Variants in COL22A1 observed in about 807,000 individuals in gnomAD.
The protein encoded by COL22A1 is collagen type XXII alpha 1 chain.
A neutral mutation model predicts 248.9 loss-of-function variants in COL22A1; 221 were observed. That is an observed-to-expected ratio of 0.89 (90% CI 0.80 to 0.99). The LOEUF is 0.99. COL22A1 is among the 50% of genes least tolerant of loss of function. The pLI, the probability that COL22A1 is intolerant of heterozygous loss-of-function variation, is 0.00. For synonymous variants in COL22A1, 891 were observed against 793.4 expected (o/e 1.12, Z -2.07); for missense variants, 2,240 against 2,179.0 (o/e 1.03, Z -0.56).
At chr8:138,836,080 G>A (rs1440114293) in intron 4 of COL22A1, among the ~76,000 whole-genome samples, 1 of 152,138 alleles carries the variant, frequency 6.6e-6, no homozygotes. Context: ...AGACCAGCCT[G>A]GCCAACATGG....
intron 7 of COL22A1, 131 bp downstream of exon 7, chr8:138,821,005 T>C: frequency 9.9e-7 from 1 of 1,014,796 alleles, no homozygotes; most frequent in Non-Finnish European, 1.4e-6. Context: ...GGTCTTTCCT[T>C]CTAAGACGGT....
chr8:138,714,566 C>T (rs1235723869), intron 30 of COL22A1, among the ~76,000 whole-genome samples: 1 of 152,202 alleles, frequency 6.6e-6, no homozygotes, highest in Non-Finnish European at 1.5e-5. Context: ...TCCTTTCCCA[C>T]TCTTGCTCTT....
At chr8:138,699,203 C>T (rs564716564) in intron 32 of COL22A1, among the ~76,000 whole-genome samples, 3 of 152,210 alleles carry the variant, frequency 2.0e-5, no homozygotes, top group Non-Finnish European at 4.4e-5. Context: ...TAGGATGCCC[C>T]CATCTCCCCA....
chr8:138,738,977 A>G (rs895074465), intron 22 of COL22A1, among the ~76,000 whole-genome samples: 1 of 152,140 alleles, frequency 6.6e-6, no homozygotes, highest in Non-Finnish European at 1.5e-5. Context: ...AGCATAACCC[A>G]TAACATTGCC....
chr8:138,725,981 T>C (rs1052015363), intron 23 of COL22A1, among the ~76,000 whole-genome samples: 3 of 152,224 alleles, frequency 2.0e-5, no homozygotes, highest in Admixed American at 2.0e-4. Flanking sequence ...GGTTCCCCCG[T>C]GATTCTATGG....
At chr8:138,654,626 A>G (rs1823058393) in intron 45 of COL22A1, among the ~76,000 whole-genome samples, 1 of 152,184 alleles carries the variant, frequency 6.6e-6, no homozygotes, top group African/African-American at 2.4e-5. Flanking sequence ...AGACAGCAGA[A>G]GGGGCCTCCT....
intron 3 of COL22A1, among the ~76,000 whole-genome samples, chr8:138,856,384 CAGAG>C (rs148733403): frequency 1.3e-5 from 2 of 150,214 alleles, no homozygotes; most frequent in African/African-American, 4.9e-5. Flanking sequence ...CTTGGAGGAA[CAGAG>C]AGAGAGAGAG....
At chr8:138,652,152 A>G (rs1822797509) in intron 45 of COL22A1, among the ~76,000 whole-genome samples, 1 of 152,206 alleles carries the variant, frequency 6.6e-6, no homozygotes, top group Non-Finnish European at 1.5e-5. Context: ...CCCTGCACCA[A>G]ACTCCAGCTC....
chr8:138,609,832 C>T (rs4073697), intron 56 of COL22A1, among the ~76,000 whole-genome samples: 1 of 151,660 alleles, frequency 6.6e-6, no homozygotes, highest in East Asian at 1.9e-4. Context: ...GTGCTCTGTG[C>T]ACTTGAGGCC....
Position 138,826,776 on chromosome 8 carries a change from A to G in COL22A1, c.851T>C (p.Val284Ala). The G allele has an allele frequency of 6.2e-7, 1 of 1,614,088 alleles. No individual in the cohort carries two copies. The highest frequency in any genetic ancestry group is 8.5e-7 in the Non-Finnish European group (1 of 1,179,982). The change falls in exon 6 of 65, where the codon GTG becomes GCG. Residue 284 changes from valine (V) to alanine (A), a missense_variant. Physicochemically the swap from Val to Ala is moderately conservative, Grantham distance 64. Coordinates refer to ENST00000303045, the MANE Select transcript of COL22A1 (RefSeq NM_152888.3). ...SFPVVQSTED[V>A]FPQGLPDEYA... ...CTCATCAGGTAAACCTTGGGGGAACACATCCCTGGAGAAAAATGGAGACAA... is the reference window on the plus strand; with the variant it reads ...CTCATCAGGTAAACCTTGGGGGAACGCATCCCTGGAGAAAAATGGAGACAA...
intron 3 of COL22A1, among the ~76,000 whole-genome samples, chr8:138,864,243 C>G (rs937048834): frequency 1.3e-5 from 2 of 152,104 alleles, no homozygotes; most frequent in Admixed American, 6.5e-5. Flanking sequence ...ATCTGTACTC[C>G]TGAGGGTGGA....
intron 23 of COL22A1, among the ~76,000 whole-genome samples, chr8:138,732,158 C>CA (rs2131219703): frequency 6.6e-6 from 1 of 152,196 alleles, no homozygotes; most frequent in African/African-American, 2.4e-5. Flanking sequence ...TTTCTCCCGC[C>CA]AAAAAATGTC....
intron 23 of COL22A1, among the ~76,000 whole-genome samples, chr8:138,733,533 G>A (rs1354535080): frequency 6.6e-6 from 1 of 152,198 alleles, no homozygotes; most frequent in East Asian, 1.9e-4. Flanking sequence ...GATTATATAT[G>A]AAAGCTAAAG....
intron 30 of COL22A1, among the ~76,000 whole-genome samples, chr8:138,713,838 A>G (rs182341729): frequency 1.6e-4 from 24 of 152,290 alleles, no homozygotes; most frequent in South Asian, 8.3e-4. Flanking sequence ...CTGAAATATT[A>G]TAGATGAAGT....
chr8:138,676,462 A>AAAGG lies in COL22A1; in HGVS notation c.3150+95_3150+96insCCTT, dbSNP rs1554744104. The AAAGG allele has an allele frequency of 5.3e-5, 32 of 605,976 alleles. No individual in the cohort carries two copies. In the African/African-American group the frequency reaches 5.9e-4, roughly 11 times the overall value. The allele number at this position is 605,976 out of a possible 1,614,324, so 37.5% of individuals were successfully genotyped here. Reference sequence around the variant, plus strand: ...GAAAGAAAGAAAGAAAGAAAGGAAGAAAGAAAGAAAGAAAAGAGTGTTTCT... The same window carrying AAAGG: ...GAAAGAAAGAAAGAAAGAAAGGAAGAAAGGAAGAAAGAAAGAAAAGAGTGTTTCT... On this transcript the variant is annotated intron_variant, in intron 41 of 64. Transcript: ENST00000303045.
chr8:138,903,950 G>A (rs1045183207), intron 1 of COL22A1, among the ~76,000 whole-genome samples: 3 of 152,060 alleles, frequency 2.0e-5, no homozygotes, highest in African/African-American at 4.8e-5. Flanking sequence ...ACTGGATCCC[G>A]AGAACAAGAT....
intron 17 of COL22A1, among the ~76,000 whole-genome samples, chr8:138,761,189 GT>G (rs946086213): frequency 6.6e-6 from 1 of 152,110 alleles, no homozygotes; most frequent in Non-Finnish European, 1.5e-5. Flanking sequence ...CTGGGTTATT[GT>G]TTTTTGCACA....
At chr8:138,634,311 GA>G (rs1244271788) in intron 49 of COL22A1, among the ~76,000 whole-genome samples, 7 of 151,936 alleles carry the variant, frequency 4.6e-5, no homozygotes, top group African/African-American at 1.7e-4. Context: ...AGTCATTCCA[GA>G]AATCCTCTCC....
Position 138,589,205 on chromosome 8 carries a change from G to A in COL22A1, c.*48C>T, listed in dbSNP as rs1816826005. 1 of 1,587,738 alleles carries A rather than the reference G, an allele frequency of 6.3e-7. No homozygotes were observed. Among genetic ancestry groups the A allele is most frequent in the African/African-American group, 1.4e-5 (1 of 74,038 alleles). On this transcript the variant is annotated 3_prime_UTR_variant, in exon 65 of 65. Transcript: ENST00000303045. Reference sequence around the variant, plus strand: ...CCTCTGGCTTCCCACTGGGCTCTGAGTTCAAGTTTCAGAAATCCACTGCAG... The same window carrying A: ...CCTCTGGCTTCCCACTGGGCTCTGAATTCAAGTTTCAGAAATCCACTGCAG...
Sources: gnomAD v4.1 joint callset for allele counts (sites outside exome capture counted in the v4.1 genomes callset) on GRCh38, gnomAD v4.1.1 for gene constraint, MANE v1.5 for transcripts, NCBI Gene and HGNC (gene_info 2026-07-23, HGNC 2026-07-21) for gene names.